PCDH15: variants seen among roughly 807,000 people sequenced by gnomAD.
The protein encoded by PCDH15 is protocadherin related 15, also known as protocadherin-15.
A neutral mutation model predicts 178.5 loss-of-function variants in PCDH15; 129 were observed. The observed-to-expected ratio is 0.72, with a 90% CI of 0.63 to 0.84. The LOEUF (loss-of-function observed/expected upper bound fraction) is 0.84. PCDH15 is among the 40% of genes least tolerant of loss of function. PCDH15 has a pLI of 0.00. For missense variants in PCDH15, 2,230 were observed against 2,099.9 expected (o/e 1.06, Z -1.21); for synonymous variants, 800 against 732.0 (o/e 1.09, Z -1.50).
At chr10:54,044,133 T>C (rs758472021) in intron 18 of PCDH15, among the ~76,000 whole-genome samples, 4 of 151,720 alleles carry the variant, frequency 2.6e-5, no homozygotes, top group Admixed American at 6.6e-5. Flanking sequence ...TTGGAAGGGG[T>C]TGAAGGGAGA....
At chr10:54,164,590 G>T (rs2046026857) in intron 13 of PCDH15, among the ~76,000 whole-genome samples, 1 of 152,196 alleles carries the variant, frequency 6.6e-6, no homozygotes, top group African/African-American at 2.4e-5. Context: ...TATCAGAACA[G>T]TTAAGTGAAT....
chr10:55,211,117 A>G (rs1591992186), intron 1 of PCDH15, among the ~76,000 whole-genome samples: 1 of 152,226 alleles, frequency 6.6e-6, no homozygotes, highest in Non-Finnish European at 1.5e-5. Flanking sequence ...GGCAGGGTCA[A>G]GGTAATGAAG....
chr10:55,365,700 C>T (rs1845338937), intron 2 of PCDH15, among the ~76,000 whole-genome samples: 2 of 152,046 alleles, frequency 1.3e-5, no homozygotes, highest in African/African-American at 4.8e-5. Context: ...AAGCTCTCTT[C>T]TCTTGTTTGC....
intron 7 of PCDH15, among the ~76,000 whole-genome samples, chr10:54,326,710 G>C (rs1031542201): frequency 6.6e-6 from 1 of 152,026 alleles, no homozygotes; most frequent in Non-Finnish European, 1.5e-5. Context: ...TGCCTCTCTT[G>C]AACATCATGA....
At chr10:55,368,156 C>T (rs931751585) in intron 2 of PCDH15, among the ~76,000 whole-genome samples, 1 of 151,990 alleles carries the variant, frequency 6.6e-6, no homozygotes, top group South Asian at 2.1e-4. Flanking sequence ...TATTTATTCT[C>T]ATTCTCTCTC....
upstream of PCDH15, among the ~76,000 whole-genome samples, chr10:54,801,593 A>G (rs1445102532): frequency 6.6e-6 from 1 of 152,190 alleles, no homozygotes; most frequent in Non-Finnish European, 1.5e-5. Flanking sequence ...TTGACAAGAT[A>G]AAATAATCTC....
chr10:54,719,421 A>G (rs2095518506), intron 1 of PCDH15, among the ~76,000 whole-genome samples: 2 of 152,156 alleles, frequency 1.3e-5, no homozygotes, highest in Admixed American at 1.3e-4. Flanking sequence ...ATGAAGAAAA[A>G]GTAAAATGTA....
intron 2 of PCDH15, among the ~76,000 whole-genome samples, chr10:55,024,884 T>C (rs1320940961): frequency 6.6e-6 from 1 of 152,150 alleles, no homozygotes; most frequent in Non-Finnish European, 1.5e-5. Flanking sequence ...TGCCTGCCAG[T>C]AGTCACTGCT....
chr10:53,816,418 ACC>A, intron 34 of PCDH15, 141 bp from the exon 35 acceptor site: 1 of 392,992 alleles, frequency 2.5e-6, no homozygotes, highest in Non-Finnish European at 4.5e-6. Flanking sequence ...TGTGTTAGCT[ACC>A]AAAAGCATTA....
intron 2 of PCDH15, among the ~76,000 whole-genome samples, chr10:55,347,841 T>C (rs376003625): frequency 1.3e-5 from 2 of 152,298 alleles, no homozygotes; most frequent in South Asian, 4.1e-4. Flanking sequence ...GTTTAATACA[T>C]GTTTTGCAAT....
chr10:55,261,386 T>C (rs1842141882), intron 1 of PCDH15, among the ~76,000 whole-genome samples: 1 of 152,186 alleles, frequency 6.6e-6, no homozygotes, highest in South Asian at 2.1e-4. Flanking sequence ...ACAGCCATCA[T>C]GTGTGGCCAT....
chr10:54,658,603 T>C (rs936738304), intron 2 of PCDH15, among the ~76,000 whole-genome samples: 1 of 152,170 alleles, frequency 6.6e-6, no homozygotes, highest in African/African-American at 2.4e-5. Context: ...AGGGAAATTT[T>C]CACCCATAGA....
rs140952938 is a variant in PCDH15 at position 54,094,318 on chromosome 10, C to T, written c.1918-4255G>A. Among the ~76,000 whole-genome samples the T allele has an allele frequency of 6.6e-5, 10 of 152,190 alleles. No individual in the cohort carries two copies. In the East Asian group the frequency reaches 1.5e-3, roughly 23 times the overall value. On this transcript the variant is annotated intron_variant, in intron 15 of 37. Coordinates refer to ENST00000644397, the MANE Select transcript of PCDH15 (RefSeq NM_001384140.1). Reference sequence around the variant, plus strand: ...AATATTTTGTTTTCAGATCTTTATACGCGTTGCTCAACTACAAAATATTTC... The same window carrying T: ...AATATTTTGTTTTCAGATCTTTATATGCGTTGCTCAACTACAAAATATTTC...
At position 54,727,520 on chromosome 10, in the gene PCDH15, C is replaced by T. The variant is rs1242122551; in HGVS notation, c.-28-63230G>A. 3.3e-5 allele frequency among the ~76,000 whole-genome samples: 5 copies of T among 151,274 alleles called. No homozygotes were observed. In the Middle Eastern group the frequency reaches 0.01, roughly 309 times the overall value. On this transcript the variant is annotated intron_variant, in intron 1 of 37. Transcript: ENST00000644397. ...CAGATTTCACACTAACAACCTAACA[C>T]CACACTGACAGGAACTAGAATAACA...
chr10:55,524,323 T>A (rs1171141566), intron 2 of PCDH15, among the ~76,000 whole-genome samples: 2 of 151,600 alleles, frequency 1.3e-5, no homozygotes, highest in Non-Finnish European at 1.5e-5. Flanking sequence ...TTTAAGTAAA[T>A]AGCTCCTTCC....
In PCDH15 at chr10:54,337,540, C is replaced by T. The variant is rs545900958; in HGVS notation, c.595-7834G>A. 2.0e-5 allele frequency among the ~76,000 whole-genome samples: 3 copies of T among 152,234 alleles called. No homozygotes were observed. The South Asian group carries it at 6.2e-4, about 32-fold the overall frequency. On this transcript the variant is annotated intron_variant, in intron 6 of 37. Coordinates refer to ENST00000644397, the MANE Select transcript of PCDH15 (RefSeq NM_001384140.1). ...TACCCAGTCTCAGGTATGTCTTTAT[C>T]AACAGCGTGAAAACGGACTAACACA...
chr10:54,692,351 A>T (rs2095137423), intron 1 of PCDH15, among the ~76,000 whole-genome samples: 1 of 152,212 alleles, frequency 6.6e-6, no homozygotes, highest in Admixed American at 6.5e-5. Flanking sequence ...TTGTATCTTA[A>T]ACTAGTATAC....
rs376202757 is a variant in PCDH15, at chr10:54,966,003, T to C, written c.-79-68503A>G. On this transcript the variant is annotated intron_variant, in intron 2 of 5. Transcript: ENST00000458638. ...TAAATGCATATTAGATATTCATTTA[T>C]TGTACACACATAAATATATCATATA... 4.8e-4 allele frequency among the ~76,000 whole-genome samples: 73 copies of C among 151,328 alleles called. 1 individual carries two copies. The South Asian group carries it at 0.013, about 27-fold the overall frequency.
chr10:53,836,981 A>T (rs2077344597), intron 29 of PCDH15, among the ~76,000 whole-genome samples: 1 of 152,156 alleles, frequency 6.6e-6, no homozygotes, highest in South Asian at 2.1e-4. Context: ...AGATAAAAAG[A>T]TGAAGAATTT....
Sources: gnomAD v4.1 joint callset for allele counts (sites outside exome capture counted in the v4.1 genomes callset) on GRCh38, gnomAD v4.1.1 for gene constraint, MANE v1.5 for transcripts, NCBI Gene and HGNC (gene_info 2026-07-23, HGNC 2026-07-21) for gene names.